RAPGEF6: variants seen among roughly 807,000 people sequenced by gnomAD.
The protein encoded by RAPGEF6 is Rap guanine nucleotide exchange factor 6.
Under a neutral mutation model 171.4 loss-of-function variants are expected in RAPGEF6, and 56 were observed. The ratio of observed to expected loss-of-function variants is 0.33; its 90% CI spans 0.26 to 0.41. The LOEUF is 0.41. RAPGEF6 is among the 10% of genes least tolerant of loss of function. The pLI is 1.00. For missense variants in RAPGEF6, 1,674 were observed against 1,921.4 expected (o/e 0.87, Z 2.41); for synonymous variants, 692 against 650.1 (o/e 1.06, Z -0.98).
rs775351774 is a variant in RAPGEF6 at position 131,428,904 on chromosome 5, T to A, written c.4778A>T (p.Asp1593Val). ...TTTAAGAGAGCTTGTCAACATACCATCTGCTTCGCTATCTGCATCAGTCAC... is the reference window on the plus strand; with the variant it reads ...TTTAAGAGAGCTTGTCAACATACCAACTGCTTCGCTATCTGCATCAGTCAC... The part of the protein sequence containing the change: ...GDVTDADSEA[D>V]ENEQVSAV Residue 1593 changes from aspartate (D) to valine (V), a missense_variant and splice_region_variant, in exon 27 of 28, where the codon GAT becomes GTT. Physicochemically the swap from Asp to Val is radical, Grantham distance 152 (BLOSUM62 -3). Transcript: ENST00000509018. The A allele has an allele frequency of 1.2e-6, 2 of 1,611,704 alleles. No individual in the cohort carries two copies. Among genetic ancestry groups the A allele is most frequent in the African/African-American group, 1.3e-5 (1 of 74,876 alleles).
At chr5:131,569,860 G>A (rs989659905) in intron 4 of RAPGEF6, among the ~76,000 whole-genome samples, 1 of 151,876 alleles carries the variant, frequency 6.6e-6, no homozygotes, top group African/African-American at 2.4e-5. Context: ...GGCCAACGTG[G>A]TGCAACCCCC....
At chr5:131,583,843 CA>C (rs1306201700) in intron 4 of RAPGEF6, among the ~76,000 whole-genome samples, 5 of 152,130 alleles carry the variant, frequency 3.3e-5, no homozygotes, top group African/African-American at 1.2e-4. Context: ...CATGAGAGAA[CA>C]CTGCATTAAG....
chr5:131,474,523 T>C (rs1391933729), intron 16 of RAPGEF6, among the ~76,000 whole-genome samples: 2 of 152,122 alleles, frequency 1.3e-5, no homozygotes, highest in Non-Finnish European at 2.9e-5. Context: ...CAGTTTATAT[T>C]AAAAAGTAGA....
At chr5:131,581,292 A>G (rs1762944770) in intron 4 of RAPGEF6, among the ~76,000 whole-genome samples, 1 of 152,190 alleles carries the variant, frequency 6.6e-6, no homozygotes. Context: ...ACAGAGCTCA[A>G]AAACTCACTA....
At chr5:131,601,190 C>A (rs1764229422) in intron 3 of RAPGEF6, among the ~76,000 whole-genome samples, 1 of 151,642 alleles carries the variant, frequency 6.6e-6, no homozygotes, top group South Asian at 2.1e-4. Flanking sequence ...TCAAGACCAG[C>A]CTGACCAACA....
rs187354295 is a variant in RAPGEF6, at chr5:131,509,034, T to G, written c.806-827A>C. On this transcript the variant is annotated intron_variant, in intron 8 of 27. Coordinates refer to ENST00000509018, the MANE Select transcript of RAPGEF6 (RefSeq NM_016340.6). ...TTGATCTTTACTCACATAAATGATT[T>G]TTAATAGTAGCAGCATCTTCTAATT... is the stretch of plus-strand genomic sequence containing the variant. Among the ~76,000 whole-genome samples, 74 of 152,332 alleles carry G rather than the reference T, an allele frequency of 4.9e-4. 1 individual carries two copies. Among genetic ancestry groups the G allele is most frequent in the South Asian group, 4.1e-4 (2 of 4,826 alleles).
At chr5:131,621,613 C>G (rs1765597034) in intron 1 of RAPGEF6, among the ~76,000 whole-genome samples, 1 of 152,196 alleles carries the variant, frequency 6.6e-6, no homozygotes, top group East Asian at 1.9e-4. Context: ...TAAATCATTA[C>G]TCTAGATTAT....
Position 131,429,070 on chromosome 5 carries a change from T to A in RAPGEF6, c.4612A>T (p.Arg1538Trp). Residue 1538 changes from arginine (R) to tryptophan (W), a missense_variant, in exon 27 of 28, where the codon AGG becomes TGG. By Grantham distance (101) the Arg-to-Trp change is moderately radical (BLOSUM62 -3). Around this residue, in one of 3 missense-constraint regions of RAPGEF6, gnomAD observed 552 missense variants for 574.2 expected, o/e 0.96. Transcript: ENST00000509018. ...AGGCTGTTATGCATCATCTTTGACCTCTGCACTGCCACACTATAATCTGGA... is the reference window on the plus strand; with the variant it reads ...AGGCTGTTATGCATCATCTTTGACCACTGCACTGCCACACTATAATCTGGA... ...KPPDYSVAVQ[R>W]SKMMHNSLSR... The A allele has an allele frequency of 6.2e-7, 1 of 1,614,168 alleles. No homozygotes were observed. The highest frequency in any genetic ancestry group is 8.5e-7 in the Non-Finnish European group (1 of 1,180,016).
chr5:131,431,388 G>T (rs1335657157), intron 25 of RAPGEF6, 39 bp from the exon 26 acceptor site: 10 of 1,539,136 alleles, frequency 6.5e-6, no homozygotes, highest in Non-Finnish European at 8.7e-6. Flanking sequence ...AGGCTTGCCA[G>T]AAAAACTATC....
At chr5:131,568,431 A>T (rs1308935931) in intron 4 of RAPGEF6, among the ~76,000 whole-genome samples, 1 of 152,022 alleles carries the variant, frequency 6.6e-6, no homozygotes, top group Non-Finnish European at 1.5e-5. Flanking sequence ...CCTGGGCTCA[A>T]GCTATCCTCT....
At chr5:131,480,161 C>A (rs964928894) in intron 15 of RAPGEF6, among the ~76,000 whole-genome samples, 3 of 152,168 alleles carry the variant, frequency 2.0e-5, no homozygotes, top group Admixed American at 1.3e-4. Context: ...TTGAACAACA[C>A]CAGTTTGAAC....
chr5:131,539,700 TG>T (rs1760007405), intron 6 of RAPGEF6, among the ~76,000 whole-genome samples: 1 of 152,324 alleles, frequency 6.6e-6, no homozygotes, highest in South Asian at 2.1e-4. Flanking sequence ...GTAAGTGATG[TG>T]GTGTCCTAAT....
intron 6 of RAPGEF6, among the ~76,000 whole-genome samples, chr5:131,541,188 A>T (rs2149939066): frequency 1.3e-5 from 2 of 152,344 alleles, no homozygotes; most frequent in East Asian, 3.9e-4. Context: ...AGAGAAGTGC[A>T]CTCTATGAAC....
At chr5:131,518,740 T>G (rs1001889223) in intron 7 of RAPGEF6, among the ~76,000 whole-genome samples, 6 of 152,036 alleles carry the variant, frequency 3.9e-5, no homozygotes, top group Non-Finnish European at 7.4e-5. Context: ...TCTTAAAAAA[T>G]TTTATCTTAG....
At chr5:131,580,662 C>T (rs776229277) in intron 4 of RAPGEF6, among the ~76,000 whole-genome samples, 14 of 152,354 alleles carry the variant, frequency 9.2e-5, no homozygotes, top group South Asian at 2.1e-4. Flanking sequence ...TCTCCCTCTA[C>T]GCAGTTGCAA....
At position 131,447,059 on chromosome 5, in the gene RAPGEF6, CACG is replaced by C. The variant is rs566415338; in HGVS notation, c.3201-359_3201-357del. The C allele has an allele frequency of 1.3e-3, 254 of 198,116 alleles. 1 individual carries two copies. Among genetic ancestry groups the C allele is most frequent in the African/African-American group, 5.8e-3 (249 of 42,650 alleles). The allele number at this position is 198,116 out of a possible 1,614,324, so 12.3% of individuals were successfully genotyped here. A position where few individuals can be genotyped will look rare whatever the true frequency, so the allele number is the denominator to read the frequency against. On this transcript the variant is annotated intron_variant, in intron 21 of 27. Coordinates refer to ENST00000509018, the MANE Select transcript of RAPGEF6 (RefSeq NM_016340.6). ...TTGAAGATATGGCAAGAGTCTGGAC[CACG>C]ACAAGTCCATCCTCAGCCGAATCTC...
At chr5:131,497,244 A>G (rs1270487802) in intron 12 of RAPGEF6, among the ~76,000 whole-genome samples, 2 of 152,156 alleles carry the variant, frequency 1.3e-5, no homozygotes, top group African/African-American at 2.4e-5. Context: ...TTGAGTTGTA[A>G]AAGTTCTTTA....
At chr5:131,525,663 A>C (rs981629918) in intron 6 of RAPGEF6, among the ~76,000 whole-genome samples, 1 of 9,366 alleles carries the variant, frequency 1.1e-4, no homozygotes, top group Admixed American at 9.2e-4. Flanking sequence ...TTTAGATATG[A>C]AAAAAAAAAA....
In RAPGEF6 at chr5:131,455,868, T is replaced by G. The variant is rs912437142; in HGVS notation, c.3009A>C (p.Gln1003His). The G allele has an allele frequency of 1.9e-6, 3 of 1,613,966 alleles. No individual in the cohort carries two copies. The highest frequency in any genetic ancestry group is 1.3e-5 in the African/African-American group (1 of 75,060). The change falls in exon 20 of 28, where the codon CAA becomes CAC. Residue 1003 changes from glutamine to histidine, a missense_variant. Physicochemically the swap from Gln to His is conservative, Grantham distance 24. Coordinates refer to ENST00000509018, the MANE Select transcript of RAPGEF6 (RefSeq NM_016340.6). ...MAKYRNILSS[Q>H]SMQPPIIPLF... ...GTGGAATAATTGGAGGCTGCATACT[T>G]TGACTACTAAGAATATTTCTATACT...
Sources: gnomAD v4.1 joint callset for allele counts (sites outside exome capture counted in the v4.1 genomes callset) on GRCh38, gnomAD v4.1.1 for gene constraint, gnomAD v4.1.1 regional missense constraint, MANE v1.5 for transcripts, NCBI Gene and HGNC (gene_info 2026-07-23, HGNC 2026-07-21) for gene names.